The following SLC25A26 variants were observed in gnomAD, a reference collection of about 807,000 sequenced individuals.
SLC25A26 encodes the protein solute carrier family 25 member 26, also known as mitochondrial S-adenosylmethionine carrier protein.
Under a neutral mutation model 37.8 loss-of-function variants are expected in SLC25A26, and 36 were observed. That is an observed-to-expected ratio of 0.95 (90% CI 0.73 to 1.26). The LOEUF is 1.26. Ranked by LOEUF, SLC25A26 falls within the 50% of genes most tolerant of loss-of-function variation. SLC25A26 has a pLI of 0.00. For missense variants in SLC25A26, 390 were observed against 331.1 expected, an observed-to-expected ratio of 1.18 and a Z score of -1.38; for synonymous variants, 129 against 122.5, an observed-to-expected ratio of 1.05 and a Z score of -0.35.
At chr3:66,299,387 G>A (rs910671484) in intron 5 of SLC25A26, among the ~76,000 whole-genome samples, 1 of 152,038 alleles carries the variant, frequency 6.6e-6, no homozygotes, top group African/African-American at 2.4e-5. Context: ...ACTGGGTTTT[G>A]CTGTGTTGGC....
chr3:66,374,042 G>C (rs1039159532), intron 9 of SLC25A26, among the ~76,000 whole-genome samples: 9 of 150,292 alleles, frequency 6.0e-5, no homozygotes, highest in Non-Finnish European at 1.2e-4. Flanking sequence ...CATAGCTACT[G>C]TTGGCATACT....
intron 1 of SLC25A26, among the ~76,000 whole-genome samples, chr3:66,157,098 G>A: frequency 6.6e-6 from 1 of 152,052 alleles, no homozygotes; most frequent in East Asian, 1.9e-4. Context: ...AGCCAAGTGT[G>A]GTGGCATACA....
intron 3 of SLC25A26, among the ~76,000 whole-genome samples, chr3:66,256,477 T>C (rs1442566682): frequency 6.6e-6 from 1 of 152,148 alleles, no homozygotes; most frequent in East Asian, 1.9e-4. Flanking sequence ...TAATAATAAA[T>C]GTGAATTGTA....
At chr3:66,198,103 G>C (rs1462279346) in intron 1 of SLC25A26, among the ~76,000 whole-genome samples, 2 of 152,062 alleles carry the variant, frequency 1.3e-5, no homozygotes, top group Non-Finnish European at 2.9e-5. Context: ...TGAAGGTTAG[G>C]GTCAGGAAAA....
rs971293266 is a variant in SLC25A26, at chr3:66,378,715, G to A, written c.*908G>A. 1 of 152,444 alleles carries A rather than the reference G, an allele frequency of 6.6e-6. No individual in the cohort carries two copies. The highest frequency in any genetic ancestry group is 2.4e-5 in the African/African-American group (1 of 41,380). 9.4% of individuals were successfully genotyped at this position (152,444 alleles called of 1,614,324 possible). A position where few individuals can be genotyped will look rare whatever the true frequency, so the allele number is the denominator to read the frequency against. ...AACAAACAGTATGTGATTTTGCTTC[G>A]CCTATTTTTTTTTTCTTTTTTGGGG... is the stretch of plus-strand genomic sequence containing the variant. On this transcript the variant is annotated 3_prime_UTR_variant, in exon 10 of 10. Coordinates refer to ENST00000354883, the MANE Select transcript of SLC25A26 (RefSeq NM_001379210.1).
chr3:66,326,884 C>T (rs2075852254), intron 5 of SLC25A26, among the ~76,000 whole-genome samples: 1 of 152,196 alleles, frequency 6.6e-6, no homozygotes, highest in African/African-American at 2.4e-5. Flanking sequence ...AACTCTGGTC[C>T]TCTCCACACC....
intron 1 of SLC25A26, among the ~76,000 whole-genome samples, chr3:66,179,542 T>C (rs2070655604): frequency 6.6e-6 from 1 of 152,212 alleles, no homozygotes; most frequent in South Asian, 2.1e-4. Context: ...ATGACTTAGT[T>C]CACAGTCACA....
chr3:66,352,061 C>A (rs1348211288), intron 6 of SLC25A26, among the ~76,000 whole-genome samples: 1 of 151,712 alleles, frequency 6.6e-6, no homozygotes, highest in Non-Finnish European at 1.5e-5. Context: ...CCAGCCTGGG[C>A]AACATAGACT....
intron 1 of SLC25A26, among the ~76,000 whole-genome samples, chr3:66,228,403 A>C (rs144477087): frequency 2.6e-5 from 4 of 152,164 alleles, no homozygotes; most frequent in Non-Finnish European, 4.4e-5. Context: ...CTACTACTAC[A>C]TGTTGAAAGT....
At chr3:66,208,321 T>C (rs1377240051) in intron 1 of SLC25A26, among the ~76,000 whole-genome samples, 1 of 152,112 alleles carries the variant, frequency 6.6e-6, no homozygotes, top group Non-Finnish European at 1.5e-5. Context: ...GATTTATCAT[T>C]GCTCTAGTTG....
At chr3:66,153,456 G>C (rs1309759495) in intron 1 of SLC25A26, among the ~76,000 whole-genome samples, 1 of 152,194 alleles carries the variant, frequency 6.6e-6, no homozygotes, top group Non-Finnish European at 1.5e-5. Flanking sequence ...CCTGAAGCTT[G>C]ACTCCCTGAA....
intron 1 of SLC25A26, among the ~76,000 whole-genome samples, chr3:66,150,603 G>GATATATAT (rs1169750069): frequency 7.7e-4 from 20 of 26,114 alleles, no homozygotes; most frequent in South Asian, 2.0e-3. Flanking sequence ...TATGTAATGA[G>GATATATAT]ATATATATAT....
At chr3:66,136,135 T>C (rs1412173923) in intron 1 of SLC25A26, among the ~76,000 whole-genome samples, 1 of 152,230 alleles carries the variant, frequency 6.6e-6, no homozygotes, top group Non-Finnish European at 1.5e-5. Context: ...CTGATTTTCC[T>C]CTCTTATTGT....
intron 5 of SLC25A26, among the ~76,000 whole-genome samples, chr3:66,333,883 C>T (rs373893421): frequency 6.6e-6 from 1 of 152,168 alleles, no homozygotes; most frequent in Non-Finnish European, 1.5e-5. Flanking sequence ...CTCTGTATTA[C>T]AGAGAGTGCA....
At chr3:66,355,995 A>G (rs2076566572) in intron 6 of SLC25A26, 2 of 455,742 alleles carry the variant, frequency 4.4e-6, no homozygotes, top group Admixed American at 2.4e-5. Flanking sequence ...TACTACATGT[A>G]TAAAAAGCAT....
intron 1 of SLC25A26, among the ~76,000 whole-genome samples, chr3:66,213,364 C>T (rs931221363): frequency 7.8e-6 from 1 of 127,624 alleles, no homozygotes; most frequent in Non-Finnish European, 1.6e-5. Context: ...CATGCCACTG[C>T]ACTCCACCCT....
At chr3:66,360,539 A>G (rs2076674121) in intron 6 of SLC25A26, among the ~76,000 whole-genome samples, 1 of 152,230 alleles carries the variant, frequency 6.6e-6, no homozygotes, top group Non-Finnish European at 1.5e-5. Flanking sequence ...AACTTTAGCA[A>G]GGCTGCAGAA....
At chr3:66,362,268 C>T (rs973491107) in intron 6 of SLC25A26, among the ~76,000 whole-genome samples, 1 of 152,014 alleles carries the variant, frequency 6.6e-6, no homozygotes, top group African/African-American at 2.4e-5. Context: ...TTTGTAATAG[C>T]CCCAAACTGG....
intron 9 of SLC25A26, chr3:66,371,393 G>A: frequency 6.6e-7 from 1 of 1,511,176 alleles, no homozygotes; most frequent in Non-Finnish European, 8.9e-7. Context: ...GCTATTTGAT[G>A]ATCTGGAGGA....
Sources: allele counts gnomAD v4.1 joint callset (sites outside exome capture counted in the v4.1 genomes callset), GRCh38; gene constraint gnomAD v4.1.1; transcripts MANE v1.5; gene names NCBI Gene and HGNC (gene_info 2026-07-23, HGNC 2026-07-21).